Variants in PTPRM observed in about 807,000 individuals in gnomAD.
PTPRM encodes protein tyrosine phosphatase receptor type M, also known as receptor-type tyrosine-protein phosphatase mu.
Under a neutral mutation model 186.7 loss-of-function variants are expected in PTPRM, and 47 were observed. The ratio of observed to expected loss-of-function variants is 0.25; its 90% CI spans 0.20 to 0.32. The LOEUF is 0.32. Ranked by LOEUF, PTPRM falls within the 10% of genes least tolerant of loss-of-function variation. PTPRM has a pLI of 1.00. For synonymous variants in PTPRM, 668 were observed against 674.9 expected (o/e 0.99, Z 0.16); for missense variants, 1,494 against 1,865.0 (o/e 0.80, Z 3.66).
chr18:7,874,992 A>G (rs2048165868), intron 2 of PTPRM, among the ~76,000 whole-genome samples: 1 of 152,154 alleles, frequency 6.6e-6, no homozygotes, highest in South Asian at 2.1e-4. Flanking sequence ...CAGGAGTTCG[A>G]GATCAGCCTG....
chr18:8,033,618 C>T (rs73385652), intron 7 of PTPRM, among the ~76,000 whole-genome samples: 4,524 of 152,170 alleles, frequency 0.03, 207 homozygotes, highest in African/African-American at 0.1. Flanking sequence ...AGTAAAAATG[C>T]GGTATTGTAA....
intron 14 of PTPRM, among the ~76,000 whole-genome samples, chr18:8,165,302 A>G (rs1240569751): frequency 1.3e-5 from 2 of 152,208 alleles, no homozygotes; most frequent in African/African-American, 4.8e-5. Flanking sequence ...ACTCAGTGGT[A>G]CTTGTACACT....
chr18:8,248,862 C>T lies in PTPRM; in HGVS notation c.2554+686C>T, dbSNP rs572586821. 1.5e-4 allele frequency among the ~76,000 whole-genome samples: 23 copies of T among 152,222 alleles called. No individual in the cohort carries two copies. The South Asian group carries it at 4.1e-3, about 27-fold the overall frequency. ...CTAGAAATGAACTAAGGTGTTAGCC[C>T]GGTGGGGCAGAATGCATTTAAAGTA... On this transcript the variant is annotated intron_variant, in intron 17 of 32. Coordinates refer to ENST00000580170, the MANE Select transcript of PTPRM (RefSeq NM_001105244.2).
intron 7 of PTPRM, among the ~76,000 whole-genome samples, chr18:7,979,177 C>T: frequency 6.6e-6 from 1 of 152,194 alleles, no homozygotes; most frequent in East Asian, 1.9e-4. Flanking sequence ...CACTGACCCG[C>T]CACTGTAGAG....
At chr18:8,268,792 T>C (rs928910451) in intron 19 of PTPRM, among the ~76,000 whole-genome samples, 3 of 152,074 alleles carry the variant, frequency 2.0e-5, no homozygotes, top group African/African-American at 7.2e-5. Flanking sequence ...ATAAATATGA[T>C]ACCCCACATT....
intron 32 of PTPRM, among the ~76,000 whole-genome samples, chr18:8,398,885 T>TTC (rs2095857839): frequency 6.6e-6 from 1 of 151,906 alleles, no homozygotes; most frequent in Non-Finnish European, 1.5e-5. Context: ...GAGTAGTGGC[T>TTC]GCTGAGGGCT....
At chr18:7,834,053 T>C (rs1056105993) in intron 2 of PTPRM, among the ~76,000 whole-genome samples, 2 of 152,154 alleles carry the variant, frequency 1.3e-5, no homozygotes, top group Non-Finnish European at 1.5e-5. Flanking sequence ...TTTAATATGA[T>C]ACTAGCTGTG....
intron 5 of PTPRM, among the ~76,000 whole-genome samples, chr18:7,938,708 C>G (rs1308088234): frequency 6.6e-6 from 1 of 152,102 alleles, no homozygotes; most frequent in East Asian, 1.9e-4. Flanking sequence ...TGTTATTCAG[C>G]TATTATGAAT....
chr18:7,928,922 A>G (rs1319893225), intron 5 of PTPRM, among the ~76,000 whole-genome samples: 1 of 152,182 alleles, frequency 6.6e-6, no homozygotes, highest in African/African-American at 2.4e-5. Context: ...GTCATGTGGT[A>G]TGGAGAAAGC....
At chr18:7,861,070 G>A (rs943034513) in intron 2 of PTPRM, among the ~76,000 whole-genome samples, 1 of 152,048 alleles carries the variant, frequency 6.6e-6, no homozygotes, top group Non-Finnish European at 1.5e-5. Flanking sequence ...TACACTGTAT[G>A]TCCCTCTGTT....
rs10221339 is a variant in PTPRM, at chr18:8,289,567, T to C, written c.2755-6801T>C. 1.5e-4 allele frequency among the ~76,000 whole-genome samples: 19 copies of C among 123,676 alleles called. 1 individual carries two copies. Among genetic ancestry groups the C allele is most frequent in the South Asian group, 5.7e-4 (2 of 3,518 alleles). The allele number at this position is 123,676 out of a possible 152,430, so 81.1% of individuals were successfully genotyped here. A position where few individuals can be genotyped will look rare whatever the true frequency, so the allele number is the denominator to read the frequency against. On this transcript the variant is annotated intron_variant, in intron 19 of 32. Coordinates refer to ENST00000580170, the MANE Select transcript of PTPRM (RefSeq NM_001105244.2). Reference sequence around the variant, plus strand: ...ATATATATACATATATATACACATATATATATATACATATATATATACACA... The same window carrying C: ...ATATATATACATATATATACACATACATATATATACATATATATATACACA...
At chr18:7,758,692 A>G (rs1403028896) in intron 1 of PTPRM, among the ~76,000 whole-genome samples, 2 of 152,190 alleles carry the variant, frequency 1.3e-5, no homozygotes, top group Non-Finnish European at 2.9e-5. Flanking sequence ...ATTACTAATT[A>G]TCAGTAAAGA....
chr18:7,873,331 T>C (rs954537721), intron 2 of PTPRM, among the ~76,000 whole-genome samples: 1 of 152,192 alleles, frequency 6.6e-6, no homozygotes, highest in Non-Finnish European at 1.5e-5. Flanking sequence ...ATGCCACCAA[T>C]ATTTGGTTAT....
chr18:8,221,444 G>A (rs780147571), intron 14 of PTPRM, among the ~76,000 whole-genome samples: 10 of 152,234 alleles, frequency 6.6e-5, no homozygotes, highest in Non-Finnish European at 1.5e-4. Context: ...AAATTTAACA[G>A]AGTTTAATTG....
Position 8,204,161 on chromosome 18 carries a change from G to A in PTPRM, c.2301-39897G>A, listed in dbSNP as rs906678024. On this transcript the variant is annotated intron_variant, in intron 14 of 32. Transcript: ENST00000580170. ...GCTCTCTGGTTTGTGAGCAGAATGAGATTGGGGGTGGGGAATTGCACTCAT... is the reference window on the plus strand; with the variant it reads ...GCTCTCTGGTTTGTGAGCAGAATGAAATTGGGGGTGGGGAATTGCACTCAT... Among the ~76,000 whole-genome samples the A allele has an allele frequency of 2.0e-5, 3 of 151,894 alleles. No homozygotes were observed. In the East Asian group the frequency reaches 5.8e-4, roughly 29 times the overall value.
chr18:7,620,301 C>G (rs1337145861), intron 1 of PTPRM, among the ~76,000 whole-genome samples: 1 of 151,902 alleles, frequency 6.6e-6, no homozygotes, highest in Non-Finnish European at 1.5e-5. Flanking sequence ...CTGCTTCTAC[C>G]CGCTAAGTCT....
At chr18:8,113,946 C>CT (rs35576891) in intron 12 of PTPRM, among the ~76,000 whole-genome samples, 187 bp downstream of exon 12, 6,244 of 146,666 alleles carry the variant, frequency 0.043, 198 homozygotes, top group African/African-American at 0.086. Context: ...ATATACTCAT[C>CT]TTTTTTTTTT....
intron 1 of PTPRM, among the ~76,000 whole-genome samples, chr18:7,587,657 T>C (rs1028326196): frequency 1.3e-5 from 2 of 152,104 alleles, no homozygotes; most frequent in African/African-American, 4.8e-5. Context: ...CCCAGAAATA[T>C]GAAGAAGTCA....
At chr18:8,203,177 GC>G (rs2093881497) in intron 14 of PTPRM, among the ~76,000 whole-genome samples, 1 of 152,214 alleles carries the variant, frequency 6.6e-6, no homozygotes, top group Admixed American at 6.5e-5. Context: ...GTTATATGGA[GC>G]AGCTCTAGGG....
Sources: gnomAD v4.1 joint callset for allele counts (sites outside exome capture counted in the v4.1 genomes callset) on GRCh38, gnomAD v4.1.1 for gene constraint, MANE v1.5 for transcripts, NCBI Gene and HGNC (gene_info 2026-07-23, HGNC 2026-07-21) for gene names.